Variants in AIDA observed in about 807,000 individuals in gnomAD.
AIDA encodes axin interactor, dorsalization-associated protein.
Under a neutral mutation model 42.7 loss-of-function variants are expected in AIDA, and 18 were observed. The observed-to-expected ratio is 0.42, with a 90% confidence interval of 0.29 to 0.63. The LOEUF (loss-of-function observed/expected upper bound fraction) is 0.63, where lower values mean the gene tolerates loss of function less well. Ranked by LOEUF, AIDA falls within the 20% of genes least tolerant of loss-of-function variation. The probability of loss-of-function intolerance (pLI) is 0.19; values close to 1 mark genes in which losing one functional copy is unlikely to be tolerated. For missense variants in AIDA, 250 were observed against 354.1 expected, an observed-to-expected ratio of 0.71 and a Z score of 2.36; for synonymous variants, 104 against 122.9, an observed-to-expected ratio of 0.85 and a Z score of 1.02.
At chr1:222,679,980 T>G (rs1288692550) in intron 6 of AIDA, among the ~76,000 whole-genome samples, 1 of 152,244 alleles carries the variant, frequency 6.6e-6, no homozygotes, top group African/African-American at 2.4e-5. Context: ...TTCTGTGGAA[T>G]CCCAGGGTGT....
intron 1 of AIDA, among the ~76,000 whole-genome samples, chr1:222,710,317 T>C (rs1655961654): frequency 6.6e-6 from 1 of 152,240 alleles, no homozygotes; most frequent in Non-Finnish European, 1.5e-5. Context: ...ACTAGAATCA[T>C]GAAGTTCAAT....
intron 6 of AIDA, among the ~76,000 whole-genome samples, chr1:222,686,586 T>C (rs1202543471): frequency 6.6e-6 from 1 of 152,176 alleles, no homozygotes; most frequent in Non-Finnish European, 1.5e-5. Context: ...AAAGCTTGCA[T>C]CTGGTTTCCT....
At chr1:222,709,722 G>C (rs1655943034) in intron 1 of AIDA, among the ~76,000 whole-genome samples, 1 of 152,158 alleles carries the variant, frequency 6.6e-6, no homozygotes, top group African/African-American at 2.4e-5. Flanking sequence ...CTATGTTCCA[G>C]GAAATAGCAA....
intron 8 of AIDA, among the ~76,000 whole-genome samples, chr1:222,670,494 A>C (rs1359011381): frequency 1.3e-5 from 2 of 152,212 alleles, no homozygotes; most frequent in Non-Finnish European, 2.9e-5. Flanking sequence ...AAACTTCTTG[A>C]GCTAGACTGC....
chr1:222,707,111 T>C (rs913341385), intron 1 of AIDA, among the ~76,000 whole-genome samples: 2 of 152,096 alleles, frequency 1.3e-5, no homozygotes, highest in African/African-American at 2.4e-5. Flanking sequence ...GTAAAATAGA[T>C]GAATTTCATG....
At chr1:222,671,724 C>T (rs1258279590) in intron 8 of AIDA, among the ~76,000 whole-genome samples, 2 of 151,004 alleles carry the variant, frequency 1.3e-5, no homozygotes, top group African/African-American at 2.4e-5. Flanking sequence ...CATCTCTTCC[C>T]TAGGTGTGTG....
intron 4 of AIDA, among the ~76,000 whole-genome samples, chr1:222,688,677 G>C (rs1024038879): frequency 6.6e-6 from 1 of 151,354 alleles, no homozygotes; most frequent in East Asian, 1.9e-4. Context: ...TCAGCTCACT[G>C]CAACCTCTGC....
chr1:222,697,096 C>T (rs1366588698), intron 2 of AIDA, among the ~76,000 whole-genome samples: 1 of 151,976 alleles, frequency 6.6e-6, no homozygotes, highest in Non-Finnish European at 1.5e-5. Context: ...GCATCCACCA[C>T]CGCGCCCGGC....
In AIDA at chr1:222,669,990, CTG is replaced by C. The variant is rs759723341; in HGVS notation, c.825-3_825-2del. The C allele has an allele frequency of 1.2e-6, 2 of 1,613,958 alleles. No individual in the cohort carries two copies. The highest frequency in any genetic ancestry group is 2.7e-5 in the African/African-American group (2 of 74,906). On this transcript the variant is annotated splice_acceptor_variant and splice_polypyrimidine_tract_variant and intron_variant, in intron 9 of 9. Coordinates refer to ENST00000340020, the MANE Select transcript of AIDA (RefSeq NM_022831.4). LOFTEE classifies it high-confidence loss of function. ...TTTAAAGTCAGTGGGTTTCTTGTATCTGTAATCACAACAGAAAGACCATTGTT... is the reference window on the plus strand; with the variant it reads ...TTTAAAGTCAGTGGGTTTCTTGTATCTAATCACAACAGAAAGACCATTGTT...
chr1:222,677,924 T>G (rs898846264), intron 6 of AIDA, among the ~76,000 whole-genome samples: 1 of 151,968 alleles, frequency 6.6e-6, no homozygotes, highest in Non-Finnish European at 1.5e-5. Flanking sequence ...TAAAAAAAAA[T>G]TTTTTACACA....
intron 6 of AIDA, among the ~76,000 whole-genome samples, chr1:222,679,379 G>C (rs886552300): frequency 6.6e-6 from 1 of 152,120 alleles, no homozygotes; most frequent in Non-Finnish European, 1.5e-5. Context: ...AATCATACAT[G>C]AGCCATGAAA....
chr1:222,703,036 G>A (rs1655751150), intron 2 of AIDA, 112 bp downstream of exon 2: 2 of 728,644 alleles, frequency 2.7e-6, no homozygotes, highest in Non-Finnish European at 4.4e-6. Flanking sequence ...TTTTACTTAA[G>A]TATAACAGTT....
chr1:222,707,513 G>C (rs574149340), intron 1 of AIDA, among the ~76,000 whole-genome samples: 6 of 152,278 alleles, frequency 3.9e-5, no homozygotes, highest in African/African-American at 1.4e-4. Context: ...ATCCACAAAT[G>C]AGTATACCAT....
At chr1:222,686,254 T>G (rs1263517414) in intron 6 of AIDA, among the ~76,000 whole-genome samples, 4 of 152,216 alleles carry the variant, frequency 2.6e-5, no homozygotes, top group African/African-American at 9.6e-5. Flanking sequence ...TTAGAAAACC[T>G]CCTTGCCAGG....
rs1192562982 is a variant in AIDA at position 222,693,791 on chromosome 1, G to C, written c.287C>G (p.Pro96Arg). The C allele has an allele frequency of 6.2e-7, 1 of 1,605,186 alleles. No individual in the cohort carries two copies. The change falls in exon 4 of 10, where the codon CCA (proline) becomes CGA (arginine). Residue 96 changes from proline (P) to arginine (R), a missense_variant and splice_region_variant. Physicochemically the swap from Pro to Arg is moderately radical, Grantham distance 103. Coordinates refer to ENST00000340020, the MANE Select transcript of AIDA (RefSeq NM_022831.4). The part of the protein sequence containing the change: ...FKLEDLKKLE[P>R]ILKNILTYNK... ...AAAAAATATAAACTTAAACTTACTT[G>C]GTTCTAGCTTCTTCAGGTCCTCCAG...
At chr1:222,672,143 CAG>C (rs550402439) in intron 8 of AIDA, among the ~76,000 whole-genome samples, 1 of 151,752 alleles carries the variant, frequency 6.6e-6, no homozygotes, top group Non-Finnish European at 1.5e-5. Flanking sequence ...TAACAGTAAA[CAG>C]TAAGTTTGAA....
chr1:222,681,839 T>G (rs1664659129), intron 6 of AIDA, among the ~76,000 whole-genome samples: 1 of 152,038 alleles, frequency 6.6e-6, no homozygotes, highest in Non-Finnish European at 1.5e-5. Flanking sequence ...CACCAAGGTG[T>G]CCAGCAATCA....
rs1366220986 is a variant in AIDA, at chr1:222,712,314, A to C, written c.4T>G (p.Ser2Ala). Residue 2 changes from serine to alanine, a missense_variant, in exon 1 of 10, where the codon TCG becomes GCG. Transcript: ENST00000340020. M[S>A]EVTRSLLQRW... ...TGCAGCAGACTCCGGGTCACCTCCG[A>C]CATGGCCGGTCCCCACCCCGTCCCC... The C allele has an allele frequency of 6.4e-7, 1 of 1,556,242 alleles. No homozygotes were observed. Among genetic ancestry groups the C allele is most frequent in the Admixed American group, 1.9e-5 (1 of 53,054 alleles).
Position 222,712,430 on chromosome 1 carries a change from G to C in AIDA, c.-113C>G, listed in dbSNP as rs1360142874. On this transcript the variant is annotated 5_prime_UTR_variant, in exon 1 of 10. Coordinates refer to ENST00000340020, the MANE Select transcript of AIDA (RefSeq NM_022831.4). Reference sequence around the variant, plus strand: ...TAACAGGGCCAGGAGGAACCGCTACGGCCACCACCGCCACCCGCCGAGGAG... The same window carrying C: ...TAACAGGGCCAGGAGGAACCGCTACCGCCACCACCGCCACCCGCCGAGGAG... 4 of 1,436,660 alleles carry C rather than the reference G, an allele frequency of 2.8e-6. No homozygotes were observed. Among genetic ancestry groups the C allele is most frequent in the South Asian group, 1.5e-5 (1 of 67,224 alleles). The allele number at this position is 1,436,660 out of a possible 1,614,324, so 89.0% of individuals were successfully genotyped here. A position where few individuals can be genotyped will look rare whatever the true frequency, so the allele number is the denominator to read the frequency against.
Sources: allele counts gnomAD v4.1 joint callset (sites outside exome capture counted in the v4.1 genomes callset), GRCh38; gene constraint gnomAD v4.1.1; transcripts MANE v1.5; gene names NCBI Gene and HGNC (gene_info 2026-07-23, HGNC 2026-07-21).